Variants in CALN1 observed in about 807,000 individuals in gnomAD.
CALN1 encodes calneuron 1, also known as calcium-binding protein 8.
CALN1 carries 17 observed loss-of-function variants against 30.6 expected under a neutral mutation model. The ratio of observed to expected loss-of-function variants is 0.56; its 90% CI spans 0.38 to 0.83. The LOEUF (loss-of-function observed/expected upper bound fraction) is 0.83, where lower values mean the gene tolerates loss of function less well. Ranked by LOEUF, CALN1 falls within the 40% of genes least tolerant of loss-of-function variation. The pLI is 0.00. For synonymous variants in CALN1, 156 were observed against 131.4 expected, an observed-to-expected ratio of 1.19 and a Z score of -1.28; for missense variants, 291 against 354.9, an observed-to-expected ratio of 0.82 and a Z score of 1.45.
chr7:72,336,844 C>G (rs1269586735), intron 2 of CALN1: 2 of 985,004 alleles, frequency 2.0e-6, no homozygotes, highest in Non-Finnish European at 2.4e-6. Context: ...CGCTCACACC[C>G]CCAGCAGGCA....
At chr7:72,364,663 T>C (rs1803774828) in intron 2 of CALN1, among the ~76,000 whole-genome samples, 1 of 152,192 alleles carries the variant, frequency 6.6e-6, no homozygotes, top group South Asian at 2.1e-4. Context: ...TGAATATTGA[T>C]AAAGTGTATT....
chr7:72,329,433 A>G (rs1328078429), intron 2 of CALN1, among the ~76,000 whole-genome samples: 1 of 152,166 alleles, frequency 6.6e-6, no homozygotes, highest in Non-Finnish European at 1.5e-5. Flanking sequence ...TGAACTCAGT[A>G]TCAAACCCAA....
At chr7:71,817,677 A>G (rs1788345142) in intron 5 of CALN1, among the ~76,000 whole-genome samples, 1 of 151,800 alleles carries the variant, frequency 6.6e-6, no homozygotes, top group East Asian at 1.9e-4. Context: ...CACCATGCCC[A>G]GCTAATTTTT....
chr7:72,189,639 G>A (rs1271509298), intron 3 of CALN1, among the ~76,000 whole-genome samples: 4 of 152,016 alleles, frequency 2.6e-5, no homozygotes, highest in Non-Finnish European at 5.9e-5. Context: ...ATGGTGGCCT[G>A]CACCTATAAT....
chr7:71,830,515 T>A (rs1289166275), intron 5 of CALN1, among the ~76,000 whole-genome samples: 4 of 151,650 alleles, frequency 2.6e-5, no homozygotes, highest in Non-Finnish European at 4.4e-5. Flanking sequence ...GCCTGGCTAA[T>A]TTTTGTACTT....
rs1003263568 is a variant in CALN1 at position 72,403,354 on chromosome 7, G to A, written c.16C>T (p.Gln6Ter). 1.3e-6 allele frequency: 2 copies of A among 1,547,730 alleles called. No homozygotes were observed. Among genetic ancestry groups the A allele is most frequent in the African/African-American group, 1.4e-5 (1 of 73,066 alleles). The change falls in exon 2 of 7, where the codon CAA (glutamine) becomes TAA (stop). Residue 6 changes from glutamine to a stop codon, truncating the protein, a stop_gained. Transcript: ENST00000395275. LOFTEE classifies it high-confidence loss of function. The stretch of plus-strand genomic sequence containing the variant: ...TTCTCGGGCTTCCCCTCTCCGGGTT[G>A]CTCTGGCAGCCGCATCGGGGGTCCA... MRLPE[Q>*]PGEGKPENEK...
intron 3 of CALN1, among the ~76,000 whole-genome samples, chr7:72,215,034 G>T (rs1301864216): frequency 1.3e-5 from 2 of 151,988 alleles, no homozygotes; most frequent in Non-Finnish European, 2.9e-5. Context: ...AATCATAATA[G>T]AAATAAAGTG....
intron 3 of CALN1, among the ~76,000 whole-genome samples, chr7:72,204,291 A>G (rs570331445): frequency 6.6e-6 from 1 of 151,732 alleles, no homozygotes; most frequent in Non-Finnish European, 1.5e-5. Context: ...CACCGCACCC[A>G]GCCAAAGCCA....
At chr7:72,249,834 G>A (rs1177123142) in intron 3 of CALN1, among the ~76,000 whole-genome samples, 1 of 152,010 alleles carries the variant, frequency 6.6e-6, no homozygotes, top group Non-Finnish European at 1.5e-5. Flanking sequence ...CTACTTGGGA[G>A]GCTGAGGCAG....
chr7:72,410,330 C>T (rs1807036788), intron 1 of CALN1, among the ~76,000 whole-genome samples: 1 of 152,160 alleles, frequency 6.6e-6, no homozygotes, highest in South Asian at 2.1e-4. Flanking sequence ...TATCTTACTA[C>T]TAAGATGTAT....
At chr7:72,147,584 T>G (rs189899658) in intron 3 of CALN1, among the ~76,000 whole-genome samples, 77 of 151,844 alleles carry the variant, frequency 5.1e-4, no homozygotes, top group African/African-American at 1.7e-3. Flanking sequence ...TTGACCCAGC[T>G]ATCCCATTAC....
intron 2 of CALN1, among the ~76,000 whole-genome samples, chr7:72,308,372 G>GGGA (rs373934467): frequency 1.3e-4 from 12 of 92,622 alleles, no homozygotes; most frequent in Admixed American, 3.3e-4. Flanking sequence ...TGTGGGGGGG[G>GGGA]GAGAGAGAGA....
At chr7:72,350,562 A>G (rs1023366707) in intron 2 of CALN1, among the ~76,000 whole-genome samples, 2 of 152,176 alleles carry the variant, frequency 1.3e-5, no homozygotes, top group African/African-American at 4.8e-5. Context: ...TTCACTTATA[A>G]GTGGGAGCTA....
In CALN1 at chr7:71,940,403, CT is replaced by C. The variant is rs372437038; in HGVS notation, c.501+83253del. 2.9e-3 allele frequency among the ~76,000 whole-genome samples: 441 copies of C among 152,312 alleles called. 1 individual carries two copies. Among genetic ancestry groups the C allele is most frequent in the African/African-American group, 0.01 (418 of 41,564 alleles). ...GAGTACCACGATCTCAATGCCACTG[CT>C]TTCTCTTCCACCTTTATACTTGTTA... On this transcript the variant is annotated intron_variant, in intron 5 of 6. Coordinates refer to ENST00000395275, the MANE Select transcript of CALN1 (RefSeq NM_031468.4).
chr7:71,858,327 G>A (rs1584386059), intron 5 of CALN1, among the ~76,000 whole-genome samples: 2 of 152,208 alleles, frequency 1.3e-5, no homozygotes, highest in African/African-American at 4.8e-5. Flanking sequence ...TGTGAGTCAA[G>A]TAAACCTCTT....
chr7:72,180,575 G>C (rs1789696171), intron 3 of CALN1, among the ~76,000 whole-genome samples: 1 of 142,280 alleles, frequency 7.0e-6, no homozygotes, highest in Non-Finnish European at 1.5e-5. Context: ...CTGTTACTTG[G>C]GCTATTTGAA....
At chr7:72,487,896 AAG>A in the CALN1 span, among the ~76,000 whole-genome samples, 3 of 70,960 alleles carry the variant, frequency 4.2e-5, no homozygotes, top group Admixed American at 1.3e-4. Flanking sequence ...AAAGAAAAGA[AAG>A]AAAGAAAGAA....
chr7:72,186,294 G>A (rs1016689728), intron 3 of CALN1, among the ~76,000 whole-genome samples: 4 of 152,138 alleles, frequency 2.6e-5, no homozygotes, highest in Admixed American at 6.5e-5. Context: ...AATAGGAACC[G>A]AATGGACAGG....
the CALN1 span, among the ~76,000 whole-genome samples, chr7:72,479,269 TC>T: frequency 1.3e-5 from 2 of 152,196 alleles, no homozygotes; most frequent in African/African-American, 2.4e-5. Flanking sequence ...TTTGGAAAGT[TC>T]TTTATATATT....
Sources: gnomAD v4.1 joint callset for allele counts (sites outside exome capture counted in the v4.1 genomes callset) on GRCh38, gnomAD v4.1.1 for gene constraint, MANE v1.5 for transcripts, NCBI Gene and HGNC (gene_info 2026-07-23, HGNC 2026-07-21) for gene names.